The following RBFOX1 variants were observed in gnomAD, a reference collection of about 807,000 sequenced individuals.
RBFOX1 encodes RNA binding protein fox-1 homolog 1.
A neutral mutation model predicts 57.7 loss-of-function variants in RBFOX1; 8 were observed. The ratio of observed to expected loss-of-function variants is 0.14; its 90% CI spans 0.08 to 0.25. The LOEUF is 0.25. RBFOX1 is among the 10% of genes least tolerant of loss of function. The pLI is 1.00. For synonymous variants in RBFOX1, 326 were observed against 222.4 expected (o/e 1.47, Z -4.15); for missense variants, 611 against 548.5 (o/e 1.11, Z -1.14).
At chr16:5,583,073 G>A (rs2046725457) in intron 2 of RBFOX1, among the ~76,000 whole-genome samples, 1 of 152,190 alleles carries the variant, frequency 6.6e-6, no homozygotes, top group African/African-American at 2.4e-5. Flanking sequence ...ACACAGCTAG[G>A]GAGAGGTTGA....
At chr16:6,476,748 C>T (rs988891919) in intron 2 of RBFOX1, among the ~76,000 whole-genome samples, 1 of 152,140 alleles carries the variant, frequency 6.6e-6, no homozygotes, top group African/African-American at 2.4e-5. Context: ...TGGATTGATT[C>T]TTCCTTTCAT....
intron 3 of RBFOX1, among the ~76,000 whole-genome samples, chr16:6,922,378 C>T (rs906959380): frequency 4.6e-5 from 7 of 152,198 alleles, no homozygotes; most frequent in African/African-American, 9.7e-5. Context: ...CACTAAAGAA[C>T]ATCTGCCACC....
intron 3 of RBFOX1, among the ~76,000 whole-genome samples, chr16:5,654,663 G>A (rs1043179681): frequency 6.6e-6 from 1 of 152,098 alleles, no homozygotes; most frequent in Non-Finnish European, 1.5e-5. Flanking sequence ...TCACAACCTG[G>A]CATGACAGTC....
intron 1 of RBFOX1, among the ~76,000 whole-genome samples, chr16:6,246,478 G>T (rs868596986): frequency 6.6e-6 from 1 of 152,154 alleles, no homozygotes; most frequent in African/African-American, 2.4e-5. Context: ...AAGGACTCCA[G>T]TTGGCTTGGC....
chr16:7,657,587 G>A (rs2066633045), intron 12 of RBFOX1, among the ~76,000 whole-genome samples: 1 of 152,218 alleles, frequency 6.6e-6, no homozygotes, highest in Non-Finnish European at 1.5e-5. Flanking sequence ...TTATAGGCGT[G>A]GGCCACTGCG....
chr16:6,705,032 T>A (rs1360804723), intron 3 of RBFOX1: 1 of 151,898 alleles, frequency 6.6e-6, no homozygotes, highest in Non-Finnish European at 1.5e-5. Flanking sequence ...ACGTGTGGAT[T>A]TTTTTTTAAT....
intron 14 of RBFOX1, among the ~76,000 whole-genome samples, chr16:7,688,135 G>A (rs1359343636): frequency 6.6e-6 from 1 of 151,870 alleles, no homozygotes; most frequent in East Asian, 1.9e-4. Context: ...CTGCTATCCT[G>A]GGGCATCTTG....
At chr16:7,254,012 A>T (rs188022069) in intron 4 of RBFOX1, among the ~76,000 whole-genome samples, 157 of 152,280 alleles carry the variant, frequency 1.0e-3, no homozygotes, top group African/African-American at 3.5e-3. Flanking sequence ...GTTAGCAGGG[A>T]TGGAAAGTGT....
intron 4 of RBFOX1, among the ~76,000 whole-genome samples, chr16:7,305,584 A>G (rs1459625168): frequency 6.6e-6 from 1 of 152,222 alleles, no homozygotes; most frequent in Admixed American, 6.5e-5. Context: ...AGAACTTCCT[A>G]TGCAAGAGTT....
chr16:7,681,018 A>T (rs185299422), intron 14 of RBFOX1, among the ~76,000 whole-genome samples: 1 of 152,272 alleles, frequency 6.6e-6, no homozygotes, highest in East Asian at 1.9e-4. Flanking sequence ...GTCACAAACT[A>T]CATGCTAGAG....
At chr16:7,148,783 C>T (rs777845568) in intron 4 of RBFOX1, among the ~76,000 whole-genome samples, 5 of 152,192 alleles carry the variant, frequency 3.3e-5, no homozygotes, top group African/African-American at 4.8e-5. Context: ...GAGACTAATC[C>T]TGAGTTCGGC....
In RBFOX1 at chr16:6,167,129, G is replaced by A. The variant is rs548878131; in HGVS notation, c.-127+147137G>A. On this transcript the variant is annotated intron_variant, in intron 1 of 15. Coordinates refer to ENST00000550418, the MANE Select transcript of RBFOX1 (RefSeq NM_018723.4). Reference sequence around the variant, plus strand: ...ATGAGAAGGGAGGGTATTTGCTGACGAATAGTGGCGTTGTGTTGCTAAAAG... The same window carrying A: ...ATGAGAAGGGAGGGTATTTGCTGACAAATAGTGGCGTTGTGTTGCTAAAAG... Among the ~76,000 whole-genome samples the A allele has an allele frequency of 2.0e-5, 3 of 152,292 alleles. No individual in the cohort carries two copies. The South Asian group carries it at 6.2e-4, about 32-fold the overall frequency.
Position 6,051,021 on chromosome 16 carries a change from C to T in RBFOX1, c.-127+31029C>T, listed in dbSNP as rs1008557560. Among the ~76,000 whole-genome samples the T allele has an allele frequency of 2.0e-5, 3 of 147,284 alleles. No individual in the cohort carries two copies. The Admixed American group carries it at 2.1e-4, about 10-fold the overall frequency. On this transcript the variant is annotated intron_variant, in intron 1 of 15. Transcript: ENST00000550418. Reference sequence around the variant, plus strand: ...CTAGTATGACTTGATATTCTAGATTCATCTTGTATATTTGCTACCCCACAC... The same window carrying T: ...CTAGTATGACTTGATATTCTAGATTTATCTTGTATATTTGCTACCCCACAC...
intron 4 of RBFOX1, among the ~76,000 whole-genome samples, chr16:7,171,027 C>T (rs147956080): frequency 4.7e-4 from 72 of 152,320 alleles, no homozygotes; most frequent in African/African-American, 1.7e-3. Context: ...TGCCTCTCAC[C>T]TGCGATGTCT....
chr16:7,063,476 T>C (rs1218379617), intron 4 of RBFOX1, among the ~76,000 whole-genome samples: 1 of 152,168 alleles, frequency 6.6e-6, no homozygotes, highest in East Asian at 1.9e-4. Context: ...AAGTGCCATT[T>C]CCTCAGCTCT....
intron 4 of RBFOX1, among the ~76,000 whole-genome samples, chr16:7,184,415 A>G (rs1310378013): frequency 6.6e-6 from 1 of 152,222 alleles, no homozygotes; most frequent in Non-Finnish European, 1.5e-5. Flanking sequence ...GATGGTGGTT[A>G]TAGCATATCC....
In RBFOX1 at chr16:5,673,330, A is replaced by G. The variant is rs1238427249; in HGVS notation, c.318+74369A>G. On this transcript the variant is annotated intron_variant, in intron 3 of 19. Coordinates refer to the RBFOX1 transcript ENST00000641259. ...GGAGCCAGGCAGGAAGCAGGTTCCA[A>G]GGTCGACAGGGTTGATATCAAGGTC... is the stretch of plus-strand genomic sequence containing the variant. Among the ~76,000 whole-genome samples the G allele has an allele frequency of 6.6e-5, 10 of 152,246 alleles. No homozygotes were observed. In the East Asian group the frequency reaches 1.9e-3, roughly 30 times the overall value.
At chr16:7,522,090 G>T (rs1411180424) in intron 5 of RBFOX1, among the ~76,000 whole-genome samples, 1 of 152,172 alleles carries the variant, frequency 6.6e-6, no homozygotes, top group Non-Finnish European at 1.5e-5. Flanking sequence ...CAGCCCTGGG[G>T]TCACTGAGGA....
intron 2 of RBFOX1, among the ~76,000 whole-genome samples, chr16:6,409,143 G>A (rs561080197): frequency 6.6e-6 from 1 of 152,162 alleles, no homozygotes; most frequent in Non-Finnish European, 1.5e-5. Flanking sequence ...CTGTCTGGAC[G>A]TGGTGGCTCA....
Sources: gnomAD v4.1 joint callset for allele counts (sites outside exome capture counted in the v4.1 genomes callset) on GRCh38, gnomAD v4.1.1 for gene constraint, MANE v1.5 for transcripts, NCBI Gene and HGNC (gene_info 2026-07-23, HGNC 2026-07-21) for gene names.